The following HOMER1 variants were observed in gnomAD, a reference collection of about 807,000 sequenced individuals.
HOMER1 encodes the protein homer scaffold protein 1, also known as homer protein homolog 1.
HOMER1 carries 3 observed loss-of-function variants against 48.9 expected under a neutral mutation model. The ratio of observed to expected loss-of-function variants is 0.06; its 90% CI spans 0.03 to 0.16. HOMER1 has a LOEUF of 0.16. HOMER1 is among the 10% of genes least tolerant of loss of function. HOMER1 has a pLI of 1.00. For missense variants in HOMER1, 247 were observed against 411.4 expected (o/e 0.60, Z 3.46); for synonymous variants, 134 against 146.4 (o/e 0.92, Z 0.61).
intron 8 of HOMER1, among the ~76,000 whole-genome samples, chr5:79,378,222 C>CAAAAAAAAAAA (rs58802660): frequency 2.3e-5 from 2 of 85,560 alleles, no homozygotes; most frequent in African/African-American, 7.7e-5. Context: ...GACTCTGTCT[C>CAAAAAAAAAAA]AAAAAAAAAA....
At chr5:79,417,844 G>A (rs776864666) in intron 5 of HOMER1, among the ~76,000 whole-genome samples, 6 of 152,042 alleles carry the variant, frequency 3.9e-5, no homozygotes, top group Non-Finnish European at 7.4e-5. Context: ...TAATTTAAAC[G>A]ATAAAAATCT....
At chr5:79,395,383 T>G (rs1749353737) in intron 8 of HOMER1, among the ~76,000 whole-genome samples, 1 of 152,212 alleles carries the variant, frequency 6.6e-6, no homozygotes, top group African/African-American at 2.4e-5. Flanking sequence ...TAGCAGCATC[T>G]CTGGCTTTGT....
At position 79,375,068 on chromosome 5, in the gene HOMER1, C is replaced by T. The variant is rs958262753; in HGVS notation, c.*941G>A. 3.9e-5 allele frequency: 6 copies of T among 151,914 alleles called. No individual in the cohort carries two copies. The highest frequency in any genetic ancestry group is 2.9e-5 in the Non-Finnish European group (2 of 67,914). 9.4% of individuals were successfully genotyped at this position (151,914 alleles called of 1,614,324 possible). ...CAGTTCCCCAATAACCATTATTATT[C>T]GTAAATTGAAATGCATTGATCATTC... On this transcript the variant is annotated 3_prime_UTR_variant, in exon 9 of 9. Transcript: ENST00000334082.
At position 79,447,042 on chromosome 5, in the gene HOMER1, G is replaced by GAT. The variant is rs1408722332; in HGVS notation, c.387+9_387+10dup. 6.8e-7 allele frequency: 1 copy of GAT among 1,463,386 alleles called. No individual in the cohort carries two copies. The highest frequency in any genetic ancestry group is 1.7e-5 in the Admixed American group (1 of 59,708). 90.7% of individuals were successfully genotyped at this position (1,463,386 alleles called of 1,614,324 possible). A position where few individuals can be genotyped will look rare whatever the true frequency, so the allele number is the denominator to read the frequency against. On this transcript the variant is annotated intron_variant, in intron 4 of 8. Coordinates refer to ENST00000334082, the MANE Select transcript of HOMER1 (RefSeq NM_004272.5). ...AAGGTTCATAATTAAGAATAGAAAT[G>GAT]ATATACCCACCTGTGAAGGTGTACT... is the stretch of plus-strand genomic sequence containing the variant.
chr5:79,432,362 A>T (rs941533399), intron 5 of HOMER1, among the ~76,000 whole-genome samples: 16 of 152,240 alleles, frequency 1.1e-4, no homozygotes, highest in African/African-American at 3.6e-4. Flanking sequence ...TTCCATGGCA[A>T]ATGACCACAC....
chr5:79,401,848 C>A, intron 6 of HOMER1, 51 bp downstream of exon 6: 2 of 1,571,028 alleles, frequency 1.3e-6, no homozygotes, highest in South Asian at 1.2e-5. Context: ...TTCTTCTGAT[C>A]AAGAAAACCT....
At chr5:79,428,919 T>C (rs747998281) in intron 5 of HOMER1, among the ~76,000 whole-genome samples, 14 of 152,214 alleles carry the variant, frequency 9.2e-5, no homozygotes, top group African/African-American at 1.2e-4. Flanking sequence ...ACTGGTTTCA[T>C]TGAAGAAACA....
intron 5 of HOMER1, among the ~76,000 whole-genome samples, chr5:79,435,281 GA>G (rs1750544308): frequency 6.6e-6 from 1 of 152,168 alleles, no homozygotes; most frequent in Non-Finnish European, 1.5e-5. Context: ...ACAAATTCAT[GA>G]GGTTTAGTCA....
At chr5:79,439,177 A>G (rs760696590) in intron 4 of HOMER1, 28 bp from the exon 5 acceptor site, 1 of 1,611,860 alleles carries the variant, frequency 6.2e-7, no homozygotes, top group South Asian at 1.1e-5. Flanking sequence ...GGGGATAAAA[A>G]ATAGTTACAC....
At chr5:79,391,276 C>T (rs888045510) in intron 8 of HOMER1, among the ~76,000 whole-genome samples, 4 of 151,606 alleles carry the variant, frequency 2.6e-5, no homozygotes, top group African/African-American at 9.7e-5. Flanking sequence ...TAGCTGGGAC[C>T]ACAGGCATGT....
intron 1 of HOMER1, among the ~76,000 whole-genome samples, chr5:79,476,443 G>A (rs1751780867): frequency 1.3e-5 from 2 of 152,062 alleles, no homozygotes; most frequent in Non-Finnish European, 2.9e-5. Flanking sequence ...GATCGCACAG[G>A]CTGAGAGCTC....
At chr5:79,445,580 C>T (rs1750853748) in intron 4 of HOMER1, among the ~76,000 whole-genome samples, 1 of 149,960 alleles carries the variant, frequency 6.7e-6, no homozygotes, top group South Asian at 2.1e-4. Context: ...TGTCTCAGTG[C>T]TAAGCATAAA....
chr5:79,441,399 T>C (rs1750731543), intron 4 of HOMER1, among the ~76,000 whole-genome samples: 2 of 152,068 alleles, frequency 1.3e-5, no homozygotes, highest in Non-Finnish European at 2.9e-5. Context: ...GTTTGAGGCA[T>C]GGAACTTGGG....
intron 8 of HOMER1, among the ~76,000 whole-genome samples, chr5:79,389,497 C>T (rs1427961552): frequency 2.6e-5 from 4 of 152,110 alleles, no homozygotes; most frequent in Admixed American, 6.5e-5. Context: ...CTTTAAGAGA[C>T]GATTAGGTCA....
At chr5:79,469,551 A>G (rs1751563655) in intron 1 of HOMER1, among the ~76,000 whole-genome samples, 1 of 152,208 alleles carries the variant, frequency 6.6e-6, no homozygotes, top group Non-Finnish European at 1.5e-5. Context: ...CTGTTATTTT[A>G]TGTATGGTAG....
intron 1 of HOMER1, among the ~76,000 whole-genome samples, chr5:79,474,132 A>T (rs1751692177): frequency 6.6e-6 from 1 of 151,192 alleles, no homozygotes; most frequent in Admixed American, 6.6e-5. Context: ...CCAAACTCCT[A>T]GGCTAAGTGA....
chr5:79,449,129 G>A (rs1328579981), intron 3 of HOMER1, among the ~76,000 whole-genome samples: 1 of 152,114 alleles, frequency 6.6e-6, no homozygotes, highest in Non-Finnish European at 1.5e-5. Context: ...AAATTACTCA[G>A]CCCAAAAAGC....
intron 8 of HOMER1, among the ~76,000 whole-genome samples, chr5:79,389,802 C>T (rs1749202390): frequency 6.6e-6 from 1 of 151,998 alleles, no homozygotes; most frequent in Non-Finnish European, 1.5e-5. Flanking sequence ...AGACAGGAAA[C>T]ATTTAATATA....
At chr5:79,378,144 G>A (rs866958042) in intron 8 of HOMER1, among the ~76,000 whole-genome samples, 11 of 150,732 alleles carry the variant, frequency 7.3e-5, no homozygotes, top group Non-Finnish European at 1.2e-4. Flanking sequence ...GACTTGAACC[G>A]GGAGGCAGAG....
Sources: allele counts gnomAD v4.1 joint callset (sites outside exome capture counted in the v4.1 genomes callset), GRCh38; gene constraint gnomAD v4.1.1; transcripts MANE v1.5; gene names NCBI Gene and HGNC (gene_info 2026-07-23, HGNC 2026-07-21).